STXBP5: variants seen among roughly 807,000 people sequenced by gnomAD.
STXBP5 encodes the protein syntaxin-binding protein 5.
A neutral mutation model predicts 152.4 loss-of-function variants in STXBP5; 50 were observed. The ratio of observed to expected loss-of-function variants is 0.33; its 90% CI spans 0.26 to 0.42. STXBP5 has a LOEUF of 0.42. STXBP5 is among the 10% of genes least tolerant of loss of function. STXBP5 has a pLI of 1.00. For synonymous variants in STXBP5, 492 were observed against 494.7 expected, an observed-to-expected ratio of 0.99 and a Z score of 0.07; for missense variants, 1,167 against 1,388.6, an observed-to-expected ratio of 0.84 and a Z score of 2.54.
chr6:147,218,135 A>G (rs963583230), intron 2 of STXBP5, among the ~76,000 whole-genome samples: 1 of 152,220 alleles, frequency 6.6e-6, no homozygotes, highest in Non-Finnish European at 1.5e-5. Context: ...GTCCCAAAAC[A>G]TTCGTAGCCT....
At chr6:147,356,896 G>A (rs1226446658) in intron 22 of STXBP5, among the ~76,000 whole-genome samples, 2 of 152,142 alleles carry the variant, frequency 1.3e-5, no homozygotes, top group Non-Finnish European at 2.9e-5. Context: ...GTTATTAGAT[G>A]TAAGTAGTAG....
chr6:147,343,580 G>A (rs769174142), intron 21 of STXBP5, among the ~76,000 whole-genome samples: 19 of 152,094 alleles, frequency 1.2e-4, no homozygotes, highest in Non-Finnish European at 1.9e-4. Flanking sequence ...CTTGAGTCTT[G>A]TTTTACTATG....
At chr6:147,288,680 A>C (rs147125112) in intron 8 of STXBP5, among the ~76,000 whole-genome samples, 1 of 152,170 alleles carries the variant, frequency 6.6e-6, no homozygotes, top group Non-Finnish European at 1.5e-5. Flanking sequence ...AGTAACCTCA[A>C]TTCTTGCCTC....
chr6:147,347,136 A>G (rs1025600757), intron 21 of STXBP5, among the ~76,000 whole-genome samples: 8 of 152,222 alleles, frequency 5.3e-5, no homozygotes, highest in African/African-American at 1.9e-4. Flanking sequence ...TATATTTTAA[A>G]TGCTTGCATT....
chr6:147,367,922 T>C (rs1785368006), intron 25 of STXBP5, among the ~76,000 whole-genome samples: 1 of 151,876 alleles, frequency 6.6e-6, no homozygotes, highest in African/African-American at 2.4e-5. Flanking sequence ...TTAGATGAAA[T>C]GGACAAATTT....
chr6:147,219,591 T>A (rs1166576640), intron 2 of STXBP5, among the ~76,000 whole-genome samples: 1 of 152,162 alleles, frequency 6.6e-6, no homozygotes. Flanking sequence ...TCAGATTGTT[T>A]CTTCTTGTCT....
intron 23 of STXBP5, among the ~76,000 whole-genome samples, chr6:147,361,466 T>TA: frequency 6.6e-6 from 1 of 152,290 alleles, no homozygotes; most frequent in East Asian, 1.9e-4. Flanking sequence ...ATAAGATGCC[T>TA]ATTTAAAAAT....
intron 9 of STXBP5, among the ~76,000 whole-genome samples, chr6:147,300,962 A>G (rs1476787816): frequency 3.3e-5 from 5 of 152,100 alleles, no homozygotes; most frequent in African/African-American, 9.7e-5. Flanking sequence ...AGCCAAAAAA[A>G]AAAAATCTGA....
intron 4 of STXBP5, among the ~76,000 whole-genome samples, chr6:147,259,050 T>C (rs1582854633): frequency 1.3e-5 from 2 of 152,264 alleles, no homozygotes; most frequent in South Asian, 2.1e-4. Context: ...ATGGTAGTTA[T>C]AGAGCAGAGT....
rs765811022 is a variant in STXBP5, at chr6:147,359,076, C to T, written c.2306-8C>T. 1.2e-6 allele frequency: 2 copies of T among 1,609,906 alleles called. No homozygotes were observed. Among genetic ancestry groups the T allele is most frequent in the Non-Finnish European group, 1.7e-6 (2 of 1,177,292 alleles). ...TGAGCAATCTCACAACATTTTTAAC[C>T]ATTTCAGATGTAAAGGATAACTCCT... On this transcript the variant is annotated splice_region_variant and splice_polypyrimidine_tract_variant and intron_variant, in intron 22 of 27. Coordinates refer to ENST00000321680, the MANE Select transcript of STXBP5 (RefSeq NM_001127715.4).
chr6:147,382,707 A>C, intron 26 of STXBP5, 71 bp from the exon 27 acceptor site: 1 of 1,499,422 alleles, frequency 6.7e-7, no homozygotes, highest in Non-Finnish European at 9.1e-7. Flanking sequence ...TTGTATTTTA[A>C]TGTAGTAGGA....
At chr6:147,384,627 A>G (rs1786251184) in intron 27 of STXBP5, 87 bp from the exon 28 acceptor site, 1 of 1,345,174 alleles carries the variant, frequency 7.4e-7, no homozygotes, top group Non-Finnish European at 1.1e-6. Flanking sequence ...AGAATGACAT[A>G]ATGTTTTGGA....
At chr6:147,243,867 C>A (rs1002925615) in intron 4 of STXBP5, among the ~76,000 whole-genome samples, 2 of 151,692 alleles carry the variant, frequency 1.3e-5, no homozygotes, top group Admixed American at 6.6e-5. Flanking sequence ...ATCTGTTTCC[C>A]ATTGAATTGT....
chr6:147,260,616 G>T lies in STXBP5; in HGVS notation c.433G>T (p.Val145Phe), dbSNP rs149347420. 10 of 1,613,342 alleles carry T rather than the reference G, an allele frequency of 6.2e-6. No individual in the cohort carries two copies. Among genetic ancestry groups the T allele is most frequent in the South Asian group, 5.5e-5 (5 of 91,068 alleles). ...TTTGAGTATATTTTTCTCTTGCAGG[G>T]TTACATTTTGCCATCTGCCTTTCCA... ...LHSLKFCRERVTFCHLPFQSK... is the reference protein window; with the variant it reads ...LHSLKFCRERFTFCHLPFQSK... Residue 145 changes from valine (V) to phenylalanine (F), a missense_variant and splice_region_variant, in exon 5 of 28, where the codon GTT becomes TTT. Coordinates refer to ENST00000321680, the MANE Select transcript of STXBP5 (RefSeq NM_001127715.4).
chr6:147,361,491 C>T (rs1387465495), intron 23 of STXBP5, among the ~76,000 whole-genome samples: 1 of 152,114 alleles, frequency 6.6e-6, no homozygotes, highest in Non-Finnish European at 1.5e-5. Context: ...CAGTGACACT[C>T]ATGTCATCGG....
chr6:147,226,390 T>C (rs1248546278), intron 2 of STXBP5, among the ~76,000 whole-genome samples: 1 of 152,172 alleles, frequency 6.6e-6, no homozygotes, highest in Non-Finnish European at 1.5e-5. Context: ...CTATGTGTCA[T>C]ACGGTTTTCC....
At chr6:147,383,751 C>A (rs187000343) in intron 27 of STXBP5, among the ~76,000 whole-genome samples, 1 of 152,088 alleles carries the variant, frequency 6.6e-6, no homozygotes, top group Admixed American at 6.5e-5. Flanking sequence ...TATTTGAGCA[C>A]CCAATCTGTA....
Position 147,273,246 on chromosome 6 carries a change from C to G in STXBP5, c.715-4835C>G, listed in dbSNP as rs139856913. 1.3e-3 allele frequency among the ~76,000 whole-genome samples: 192 copies of G among 149,796 alleles called. 1 individual carries two copies. The highest frequency in any genetic ancestry group is 4.4e-3 in the African/African-American group (177 of 40,634). ...GGTAGTGGTAGCATGTACCTGTAGT[C>G]CTAGCTACTTAAGAGGCTGAAGTGG... On this transcript the variant is annotated intron_variant, in intron 7 of 27. Transcript: ENST00000321680.
chr6:147,253,029 A>T (rs953241894), intron 4 of STXBP5, among the ~76,000 whole-genome samples: 1 of 152,214 alleles, frequency 6.6e-6, no homozygotes, highest in African/African-American at 2.4e-5. Context: ...TCAAGACAGC[A>T]TGCCTGATGA....
Sources: allele counts gnomAD v4.1 joint callset (sites outside exome capture counted in the v4.1 genomes callset), GRCh38; gene constraint gnomAD v4.1.1; transcripts MANE v1.5; gene names NCBI Gene and HGNC (gene_info 2026-07-23, HGNC 2026-07-21).